PLA2G4C: variants seen among roughly 807,000 people sequenced by gnomAD.
PLA2G4C encodes the protein cytosolic phospholipase A2 gamma.
PLA2G4C carries 64 observed loss-of-function variants against 73.8 expected under a neutral mutation model. The observed-to-expected ratio is 0.87, with a 90% CI of 0.71 to 1.07. The LOEUF (loss-of-function observed/expected upper bound fraction) is 1.07, where lower values mean the gene tolerates loss of function less well. PLA2G4C is among the 50% of genes least tolerant of loss of function. The probability of loss-of-function intolerance (pLI) is 0.00; values close to 1 mark genes in which losing one functional copy is unlikely to be tolerated. For synonymous variants in PLA2G4C, 254 were observed against 252.1 expected, an observed-to-expected ratio of 1.01 and a Z score of -0.07; for missense variants, 622 against 665.4, an observed-to-expected ratio of 0.93 and a Z score of 0.72.
chr19:48,102,000 G>C (rs1379791343), intron 4 of PLA2G4C, among the ~76,000 whole-genome samples: 1 of 151,904 alleles, frequency 6.6e-6, no homozygotes, highest in Non-Finnish European at 1.5e-5. Context: ...TGAGACTTCT[G>C]CATCCAACTT....
rs1967783494 is a variant in PLA2G4C at position 48,053,009 on chromosome 19, A to G, written c.1568T>C (p.Met523Thr). Residue 523 changes from methionine to threonine, a missense_variant, in exon 16 of 17, where the codon ATG becomes ACG. Transcript: ENST00000599921. Reference protein sequence around the residue: ...ENKKKILRELMNVAGLYYPKD... With the variant: ...ENKKKILRELTNVAGLYYPKD... ...GTCTCCCACCTACCCGGCCACGTTCATCAACTCTCTAAGGATCTTCTTCTT... is the reference window on the plus strand; with the variant it reads ...GTCTCCCACCTACCCGGCCACGTTCGTCAACTCTCTAAGGATCTTCTTCTT... The G allele has an allele frequency of 1.2e-6, 2 of 1,609,922 alleles. No homozygotes were observed. Among genetic ancestry groups the G allele is most frequent in the Admixed American group, 3.3e-5 (2 of 59,824 alleles).
intron 13 of PLA2G4C, among the ~76,000 whole-genome samples, chr19:48,067,104 G>C (rs1036551062): frequency 6.6e-6 from 1 of 151,934 alleles, no homozygotes; most frequent in Non-Finnish European, 1.5e-5. Flanking sequence ...GTTCCCAGGA[G>C]TCTGACATCA....
chr19:48,061,435 G>C (rs73943535), intron 14 of PLA2G4C: 2 of 153,746 alleles, frequency 1.3e-5, no homozygotes, highest in African/African-American at 4.8e-5. Flanking sequence ...TGAGGAAACC[G>C]ACATGCACAG....
At chr19:48,083,438 C>CTTTTTTTTTTTTTTTTTT (rs201023920) in intron 10 of PLA2G4C, among the ~76,000 whole-genome samples, 1 of 40,440 alleles carries the variant, frequency 2.5e-5, no homozygotes, top group Non-Finnish European at 5.9e-5. Flanking sequence ...TTTTCTTTTT[C>CTTTTTTTTTTTTTTTTTT]TTTTTCTTTT....
intron 4 of PLA2G4C, among the ~76,000 whole-genome samples, chr19:48,101,065 C>T (rs111236954): frequency 0.013 from 1,837 of 146,480 alleles, 46 homozygotes; most frequent in African/African-American, 0.043. Flanking sequence ...AGCTTCTACT[C>T]ATGGCAGAAG....
At position 48,056,813 on chromosome 19, in the gene PLA2G4C, C is replaced by T. The variant is rs1390563589; in HGVS notation, c.1258-1764G>A. On this transcript the variant is annotated intron_variant, in intron 14 of 16. Transcript: ENST00000599921. Reference sequence around the variant, plus strand: ...CACCACTGCACTCCAGCCTGGGCAACAAGAACGAGACTCTGTCTCAAAAAA... The same window carrying T: ...CACCACTGCACTCCAGCCTGGGCAATAAGAACGAGACTCTGTCTCAAAAAA... Among the ~76,000 whole-genome samples, 4 of 92,774 alleles carry T rather than the reference C, an allele frequency of 4.3e-5. No homozygotes were observed. The East Asian group carries it at 1.4e-3, about 33-fold the overall frequency. The allele number at this position is 92,774 out of a possible 152,430, so 60.9% of individuals were successfully genotyped here.
Position 48,077,840 on chromosome 19 carries a change from G to T in PLA2G4C, c.845-16C>A. On this transcript the variant is annotated splice_polypyrimidine_tract_variant and intron_variant, in intron 10 of 16. Transcript: ENST00000599921. Reference sequence around the variant, plus strand: ...AGTAATCGGGCTGCAAAAGAGCAGAGGCAGGGGGAATGTTTAACTGTAAAG... The same window carrying T: ...AGTAATCGGGCTGCAAAAGAGCAGATGCAGGGGGAATGTTTAACTGTAAAG... 6.2e-7 allele frequency: 1 copy of T among 1,600,978 alleles called. No individual in the cohort carries two copies. The highest frequency in any genetic ancestry group is 8.5e-7 in the Non-Finnish European group (1 of 1,173,532).
At chr19:48,085,178 A>G (rs2030903059) in intron 9 of PLA2G4C, 66 bp from the exon 10 acceptor site, 3 of 1,119,524 alleles carry the variant, frequency 2.7e-6, no homozygotes, top group Non-Finnish European at 4.1e-6. Context: ...TTGATATTCA[A>G]AGCACCAGCA....
intron 13 of PLA2G4C, among the ~76,000 whole-genome samples, chr19:48,066,569 C>G (rs947844352): frequency 9.9e-5 from 15 of 151,994 alleles, no homozygotes; most frequent in Admixed American, 7.2e-4. Flanking sequence ...CAGGGGGGCA[C>G]ATTTTGGAAT....
intron 10 of PLA2G4C, among the ~76,000 whole-genome samples, chr19:48,083,329 A>C (rs114300312): frequency 0.028 from 4,146 of 148,656 alleles, 152 homozygotes; most frequent in African/African-American, 0.086. Flanking sequence ...GCACTATTGT[A>C]TCCATTTTAC....
intron 10 of PLA2G4C, among the ~76,000 whole-genome samples, chr19:48,079,980 G>C (rs1359245661): frequency 1.3e-5 from 2 of 152,136 alleles, no homozygotes; most frequent in Admixed American, 6.6e-5. Flanking sequence ...CAAATATATG[G>C]GACCTGAGTA....
At chr19:48,057,970 C>G (rs956008068) in intron 14 of PLA2G4C, among the ~76,000 whole-genome samples, 2 of 150,912 alleles carry the variant, frequency 1.3e-5, no homozygotes, top group African/African-American at 4.9e-5. Context: ...GTAGCTGGGA[C>G]TACAGGCGTG....
chr19:48,097,215 T>A (rs1469192060), intron 6 of PLA2G4C: 3 of 97,762 alleles, frequency 3.1e-5, no homozygotes, highest in Admixed American at 1.5e-4. Context: ...CCTTCAAACA[T>A]CCCTTATTAC....
intron 16 of PLA2G4C, among the ~76,000 whole-genome samples, chr19:48,049,432 G>GTCTCCATGGCACTTAC (rs1568417738): frequency 1.3e-5 from 2 of 152,000 alleles, no homozygotes; most frequent in African/African-American, 4.8e-5. Flanking sequence ...ACGTTCGGTC[G>GTCTCCATGGCACTTAC]TCTCCATGGC....
chr19:48,106,340 G>A (rs532998422), intron 2 of PLA2G4C, among the ~76,000 whole-genome samples, 182 bp downstream of exon 2: 2 of 152,194 alleles, frequency 1.3e-5, no homozygotes, highest in Admixed American at 6.5e-5. Flanking sequence ...AGATCTTCTT[G>A]CCTCGGCCAC....
rs1967870975 is a variant in PLA2G4C, at chr19:48,054,834, G to T, written c.1429+44C>A. On this transcript the variant is annotated intron_variant, in intron 15 of 16. Coordinates refer to ENST00000599921, the MANE Select transcript of PLA2G4C (RefSeq NM_003706.3). ...TGTTTTTATTAGCAGTGTGAGCATG[G>T]ACTAATACAGGTGGCTTCTCACCTG... The T allele has an allele frequency of 1.9e-6, 3 of 1,548,296 alleles. 1 individual carries two copies. The South Asian group carries it at 3.3e-5, about 17-fold the overall frequency.
chr19:48,050,298 C>T (rs183025034), intron 16 of PLA2G4C, among the ~76,000 whole-genome samples: 71 of 152,142 alleles, frequency 4.7e-4, no homozygotes, highest in South Asian at 3.7e-3. Flanking sequence ...AGCAAATAAC[C>T]GCCCTGCCCC....
intron 9 of PLA2G4C, among the ~76,000 whole-genome samples, chr19:48,087,865 C>A (rs868149165): frequency 6.7e-6 from 1 of 149,518 alleles, no homozygotes; most frequent in Non-Finnish European, 1.5e-5. Context: ...ACCTGGGAGG[C>A]GGAGGTTGTG....
Position 48,110,525 on chromosome 19 carries a change from A to ACTTGTGCTCCGGAATCCGGTGCGGAG in PLA2G4C, c.-72_-71insCTCCGCACCGGATTCCGGAGCACAAG. On this transcript the variant is annotated 5_prime_UTR_variant, in exon 1 of 17. Transcript: ENST00000599921. ...TGGGGCGTGTGCGCATGCGCGGTGG[A>ACTTGTGCTCCGGAATCCGGTGCGGAG]GCTTGTGCTCCGGAATCCGGTGCGG... 2.1e-6 allele frequency: 2 copies of ACTTGTGCTCCGGAATCCGGTGCGGAG among 954,582 alleles called. No individual in the cohort carries two copies. Among genetic ancestry groups the ACTTGTGCTCCGGAATCCGGTGCGGAG allele is most frequent in the South Asian group, 3.7e-5 (2 of 53,952 alleles). 59.1% of individuals were successfully genotyped at this position (954,582 alleles called of 1,614,324 possible).
Sources: gnomAD v4.1 joint callset for allele counts (sites outside exome capture counted in the v4.1 genomes callset) on GRCh38, gnomAD v4.1.1 for gene constraint, MANE v1.5 for transcripts, NCBI Gene and HGNC (gene_info 2026-07-23, HGNC 2026-07-21) for gene names.